The following NCKAP5 variants were observed in gnomAD, a reference collection of about 807,000 sequenced individuals.
NCKAP5 encodes nck-associated protein 5.
NCKAP5 carries 92 observed loss-of-function variants against 167.0 expected under a neutral mutation model. The observed-to-expected ratio is 0.55, with a 90% CI of 0.47 to 0.66. The LOEUF (loss-of-function observed/expected upper bound fraction) is 0.66, where lower values mean the gene tolerates loss of function less well. NCKAP5 is among the 30% of genes least tolerant of loss of function. The pLI is 0.00. For missense variants in NCKAP5, 2,378 were observed against 2,315.0 expected, an observed-to-expected ratio of 1.03 and a Z score of -0.56; for synonymous variants, 891 against 877.4, an observed-to-expected ratio of 1.02 and a Z score of -0.27.
chr2:132,860,816 A>C (rs1689845449), intron 10 of NCKAP5, among the ~76,000 whole-genome samples: 1 of 152,202 alleles, frequency 6.6e-6, no homozygotes, highest in Non-Finnish European at 1.5e-5. Flanking sequence ...ATTTTTTTTA[A>C]AAAAGCACCT....
At chr2:133,190,894 T>A (rs1460715517) in intron 5 of NCKAP5, among the ~76,000 whole-genome samples, 2 of 152,146 alleles carry the variant, frequency 1.3e-5, no homozygotes, top group South Asian at 2.1e-4. Context: ...CCAAAAGCAA[T>A]GGCAACAAAA....
intron 4 of NCKAP5, among the ~76,000 whole-genome samples, chr2:133,237,656 C>A (rs992495438): frequency 6.6e-5 from 10 of 152,156 alleles, no homozygotes; most frequent in Non-Finnish European, 1.2e-4. Flanking sequence ...GTGATAAAGA[C>A]AATTGAAGAT....
intron 8 of NCKAP5, chr2:132,930,075 C>T (rs1326641230): frequency 6.6e-6 from 1 of 152,176 alleles, no homozygotes; most frequent in Admixed American, 6.5e-5. Context: ...AGACTACTTC[C>T]AACCTCCACA....
At chr2:133,341,099 A>G (rs1413984166) in intron 3 of NCKAP5, among the ~76,000 whole-genome samples, 1 of 152,218 alleles carries the variant, frequency 6.6e-6, no homozygotes, top group Admixed American at 6.5e-5. Flanking sequence ...TGAAATCACT[A>G]AGACCATTAG....
chr2:133,268,739 G>C (rs1318593189), intron 4 of NCKAP5, among the ~76,000 whole-genome samples: 1 of 152,002 alleles, frequency 6.6e-6, no homozygotes, highest in Non-Finnish European at 1.5e-5. Flanking sequence ...AAAAGTGCTG[G>C]GATTACAGGC....
chr2:133,514,677 T>G (rs1006255206), intron 3 of NCKAP5, among the ~76,000 whole-genome samples: 1 of 152,214 alleles, frequency 6.6e-6, no homozygotes, highest in East Asian at 1.9e-4. Flanking sequence ...TCATGACGAT[T>G]ATTGCAATGG....
intron 5 of NCKAP5, among the ~76,000 whole-genome samples, chr2:133,209,820 G>C (rs2086125499): frequency 6.6e-6 from 1 of 152,068 alleles, no homozygotes; most frequent in Non-Finnish European, 1.5e-5. Flanking sequence ...AGGCAGGTGT[G>C]TAACTTTTCT....
At chr2:132,807,228 T>G (rs1558804387) in intron 11 of NCKAP5, among the ~76,000 whole-genome samples, 1 of 152,130 alleles carries the variant, frequency 6.6e-6, no homozygotes, top group Non-Finnish European at 1.5e-5. Context: ...TTAGTCTTGC[T>G]TTGGCTATGT....
Position 132,672,956 on chromosome 2 carries a change from A to T in NCKAP5, c.*333T>A. On this transcript the variant is annotated 3_prime_UTR_variant, in exon 20 of 20. Transcript: ENST00000409261. ...TATTGTTATCTCTATCAAGCGGTGC[A>T]CCCCCCACCCCCCACCCATCATTTC... The T allele has an allele frequency of 4.5e-6, 1 of 221,548 alleles. No homozygotes were observed. Among genetic ancestry groups the T allele is most frequent in the African/African-American group, 2.9e-5 (1 of 34,276 alleles). 13.7% of individuals were successfully genotyped at this position (221,548 alleles called of 1,614,324 possible).
At position 132,704,269 on chromosome 2, in the gene NCKAP5, G is replaced by A. The variant is rs191558382; in HGVS notation, c.5713+21358C>T. ...TAGGTATCCGTCTTTCCTACTTCCT[G>A]CTCCAGGAATGAATTTCATGTCATC... On this transcript the variant is annotated intron_variant, in intron 19 of 19. Coordinates refer to ENST00000409261, the MANE Select transcript of NCKAP5 (RefSeq NM_207363.3). Among the ~76,000 whole-genome samples, 521 of 152,068 alleles carry A rather than the reference G, an allele frequency of 3.4e-3. 1 individual carries two copies. Among genetic ancestry groups the A allele is most frequent in the African/African-American group, 0.012 (502 of 41,472 alleles).
At chr2:133,289,484 G>A (rs775457559) in intron 4 of NCKAP5, among the ~76,000 whole-genome samples, 1 of 152,080 alleles carries the variant, frequency 6.6e-6, no homozygotes, top group African/African-American at 2.4e-5. Context: ...GCTCATGTCT[G>A]TAATCCTAGC....
chr2:133,554,151 T>C (rs1312388187), intron 2 of NCKAP5, among the ~76,000 whole-genome samples: 1 of 152,222 alleles, frequency 6.6e-6, no homozygotes, highest in Non-Finnish European at 1.5e-5. Context: ...GTAGATAATC[T>C]TTTAAGGAGC....
intron 4 of NCKAP5, among the ~76,000 whole-genome samples, chr2:133,217,237 G>C (rs576205920): frequency 3.4e-4 from 51 of 152,156 alleles, no homozygotes; most frequent in African/African-American, 1.2e-3. Context: ...TTGTAATGAA[G>C]TATAAAGTAC....
At chr2:133,450,302 G>A (rs887884923) in intron 3 of NCKAP5, among the ~76,000 whole-genome samples, 17 of 152,022 alleles carry the variant, frequency 1.1e-4, no homozygotes, top group Admixed American at 3.9e-4. Flanking sequence ...TTCTTCTCTG[G>A]GTATATTCCA....
chr2:133,255,753 AC>A (rs756939958), intron 4 of NCKAP5, among the ~76,000 whole-genome samples: 1 of 152,194 alleles, frequency 6.6e-6, no homozygotes, highest in Non-Finnish European at 1.5e-5. Flanking sequence ...TGTTTTGGAA[AC>A]CAAATGGTAT....
At chr2:133,511,803 A>G (rs1328082460) in intron 3 of NCKAP5, among the ~76,000 whole-genome samples, 1 of 152,240 alleles carries the variant, frequency 6.6e-6, no homozygotes, top group Non-Finnish European at 1.5e-5. Context: ...CTTGATGCTC[A>G]TTTGGGAAAT....
chr2:133,514,374 C>T (rs1044554794), intron 3 of NCKAP5, among the ~76,000 whole-genome samples: 2 of 152,072 alleles, frequency 1.3e-5, no homozygotes, highest in African/African-American at 2.4e-5. Flanking sequence ...ACACTCAAAC[C>T]CTCCCCCATG....
At chr2:133,618,313 T>G in the NCKAP5 span, among the ~76,000 whole-genome samples, 1 of 149,542 alleles carries the variant, frequency 6.7e-6, no homozygotes, top group Non-Finnish European at 1.5e-5. Context: ...TGGGATCTAA[T>G]TAAACTAAAG....
chr2:133,179,938 TA>T (rs370070797), intron 5 of NCKAP5, among the ~76,000 whole-genome samples: 9,227 of 148,304 alleles, frequency 0.062, 316 homozygotes, highest in African/African-American at 0.091. Flanking sequence ...AAAGAATAGA[TA>T]AAAAAAAAAT....
Sources: gnomAD v4.1 joint callset for allele counts (sites outside exome capture counted in the v4.1 genomes callset) on GRCh38, gnomAD v4.1.1 for gene constraint, MANE v1.5 for transcripts, NCBI Gene and HGNC (gene_info 2026-07-23, HGNC 2026-07-21) for gene names.